Variants in SOSTDC1 observed in about 807,000 individuals in gnomAD.
The protein encoded by SOSTDC1 is sclerostin domain-containing protein 1.
In SOSTDC1, 7 loss-of-function variants were observed where a neutral mutation model predicts 15.1. That is an observed-to-expected ratio of 0.46 (90% CI 0.26 to 0.87). SOSTDC1 has a LOEUF of 0.87. SOSTDC1 is among the 40% of genes least tolerant of loss of function. The probability of loss-of-function intolerance (pLI) is 0.15; values close to 1 mark genes in which losing one functional copy is unlikely to be tolerated. For synonymous variants in SOSTDC1, 94 were observed against 93.2 expected, an observed-to-expected ratio of 1.01 and a Z score of -0.05; for missense variants, 242 against 259.2, an observed-to-expected ratio of 0.93 and a Z score of 0.46.
In SOSTDC1 at chr7:16,462,879, T is replaced by C; in HGVS notation, c.290A>G (p.Glu97Gly). Residue 97 changes from glutamate (E) to glycine (G), a missense_variant, in exon 2 of 2, where the codon GAG becomes GGG. Physicochemically the swap from Glu to Gly is moderately conservative, Grantham distance 98. Coordinates refer to ENST00000307068, the MANE Select transcript of SOSTDC1 (RefSeq NM_015464.3). The stretch of plus-strand genomic sequence containing the variant: ...CAAGCACTCGCCAGCACACACCAGC[T>C]CCTTCAGAGGGCTGATGCTGGTGCA... ...GQCTSISPLK[E>G]LVCAGECLPL... 1 of 1,614,058 alleles carries C rather than the reference T, an allele frequency of 6.2e-7. No individual in the cohort carries two copies. The highest frequency in any genetic ancestry group is 8.5e-7 in the Non-Finnish European group (1 of 1,179,958).
At chr7:16,463,491 G>A (rs920125127) in intron 1 of SOSTDC1, among the ~76,000 whole-genome samples, 3 of 152,042 alleles carry the variant, frequency 2.0e-5, no homozygotes, top group African/African-American at 4.8e-5. Context: ...TTCAATTATA[G>A]ACTTTAGCTG....
intron 1 of SOSTDC1, chr7:16,464,450 A>G (rs1781262451): frequency 9.1e-7 from 1 of 1,095,752 alleles, no homozygotes; most frequent in African/African-American, 1.5e-5. Context: ...TACCCACCAC[A>G]TTGCTCAGTA....
At position 16,462,490 on chromosome 7, in the gene SOSTDC1, G is replaced by A. The variant is rs1781225797; in HGVS notation, c.*58C>T. 1 of 1,550,402 alleles carries A rather than the reference G, an allele frequency of 6.4e-7. No homozygotes were observed. The highest frequency in any genetic ancestry group is 8.8e-7 in the Non-Finnish European group (1 of 1,132,814). ...GCAGTGGCAGGCTTGAGTCTTCCAA[G>A]CAATCAAATCTGTAAAGCAGATGGT... On this transcript the variant is annotated 3_prime_UTR_variant, in exon 2 of 2. Coordinates refer to ENST00000307068, the MANE Select transcript of SOSTDC1 (RefSeq NM_015464.3).
chr7:16,463,461 T>C (rs1160810634), intron 1 of SOSTDC1, among the ~76,000 whole-genome samples: 2 of 152,202 alleles, frequency 1.3e-5, no homozygotes. Flanking sequence ...ATAATGCATA[T>C]GCTCTCGGTA....
At chr7:16,464,471 A>G in intron 1 of SOSTDC1, 1 of 934,534 alleles carries the variant, frequency 1.1e-6, no homozygotes, top group Non-Finnish European at 1.7e-6. Flanking sequence ...ATCTAATAAT[A>G]ATCAGATATG....
Position 16,462,683 on chromosome 7 carries a change from G to A in SOSTDC1, c.486C>T (p.Ala162=). The change falls in exon 2 of 2, where the codon GCC becomes GCT. Residue 162 remains alanine, a synonymous_variant. Transcript: ENST00000307068. ...GCCGGGTGTACCTCTTGCACTTGCA[G>A]GCAGTGACTACTGTGATTTTGTAGG... The part of the protein sequence containing the change: ...TRTYKITVVT[A]CKCKRYTRQH... 6.2e-7 allele frequency: 1 copy of A among 1,614,202 alleles called. No individual in the cohort carries two copies. Among genetic ancestry groups the A allele is most frequent in the South Asian group, 1.1e-5 (1 of 91,078 alleles).
intron 1 of SOSTDC1, among the ~76,000 whole-genome samples, chr7:16,464,651 T>TC (rs1781273364): frequency 1.3e-4 from 17 of 131,004 alleles, no homozygotes; most frequent in African/African-American, 4.9e-4. Flanking sequence ...CTGCGCAGTG[T>TC]TTCTCTCTCT....
chr7:16,462,559 T>C lies in SOSTDC1; in HGVS notation c.610A>G (p.Ser204Gly), dbSNP rs772009447. 4 of 1,614,004 alleles carry C rather than the reference T, an allele frequency of 2.5e-6. No homozygotes were observed. In the African/African-American group the frequency reaches 5.3e-5, roughly 22 times the overall value. ...RKRASKSSKH[S>G]MS ...TGGGAGTCTGAGTTCTAACTCATGC[T>C]GTGCTTGCTGGATTTGCTGGCTCTT... Residue 204 changes from serine (S) to glycine (G), a missense_variant, in exon 2 of 2, where the codon AGC (serine) becomes GGC (glycine). Physicochemically the swap from Ser to Gly is moderately conservative, Grantham distance 56. Coordinates refer to ENST00000307068, the MANE Select transcript of SOSTDC1 (RefSeq NM_015464.3).
At position 16,461,983 on chromosome 7, in the gene SOSTDC1, T is replaced by C. The variant is rs1781217738; in HGVS notation, c.*565A>G. ...GGTCAGCATGCAGGGTATAATTTCA[T>C]ACTATGCGACCGTAAAGAGCTACAG... On this transcript the variant is annotated 3_prime_UTR_variant, in exon 2 of 2. Coordinates refer to ENST00000307068, the MANE Select transcript of SOSTDC1 (RefSeq NM_015464.3). 6.5e-6 allele frequency: 1 copy of C among 152,910 alleles called. No individual in the cohort carries two copies. The highest frequency in any genetic ancestry group is 6.5e-5 in the Admixed American group (1 of 15,314). 9.5% of individuals were successfully genotyped at this position (152,910 alleles called of 1,614,324 possible).
chr7:16,463,348 T>G (rs1217327154), intron 1 of SOSTDC1, among the ~76,000 whole-genome samples: 1 of 152,222 alleles, frequency 6.6e-6, no homozygotes, highest in Non-Finnish European at 1.5e-5. Flanking sequence ...ACTTTAATAT[T>G]CTCTTTCTCA....
In SOSTDC1 at chr7:16,462,243, A is replaced by G; in HGVS notation, c.*305T>C. The G allele has an allele frequency of 1.6e-5, 4 of 255,188 alleles. No individual in the cohort carries two copies. Among genetic ancestry groups the G allele is most frequent in the Non-Finnish European group, 3.0e-5 (4 of 133,106 alleles). 15.8% of individuals were successfully genotyped at this position (255,188 alleles called of 1,614,324 possible). A position where few individuals can be genotyped will look rare whatever the true frequency, so the allele number is the denominator to read the frequency against. On this transcript the variant is annotated 3_prime_UTR_variant, in exon 2 of 2. Coordinates refer to ENST00000307068, the MANE Select transcript of SOSTDC1 (RefSeq NM_015464.3). Reference sequence around the variant, plus strand: ...GAGAAGCCCTTTTCTGTTTTAAAATATAATGATTCACTGATGTTTATAGTA... The same window carrying G: ...GAGAAGCCCTTTTCTGTTTTAAAATGTAATGATTCACTGATGTTTATAGTA...
In SOSTDC1 at chr7:16,464,652, T is replaced by TTCTCTCTCTCTC. The variant is rs72323066; in HGVS notation, c.205+800_205+811dup. Among the ~76,000 whole-genome samples, 113 of 150,336 alleles carry TTCTCTCTCTCTC rather than the reference T, an allele frequency of 7.5e-4. No individual in the cohort carries two copies. The East Asian group carries it at 8.7e-3, about 12-fold the overall frequency. On this transcript the variant is annotated intron_variant, in intron 1 of 1. Transcript: ENST00000307068. The stretch of plus-strand genomic sequence containing the variant: ...TTGTGTAAGATTTCCTGCGCAGTGT[T>TTCTCTCTCTCTC]TCTCTCTCTCTCTCTCTCTCTCTTA...
chr7:16,464,201 CTT>C (rs1293646779), intron 1 of SOSTDC1: 10 of 769,148 alleles, frequency 1.3e-5, no homozygotes, highest in Non-Finnish European at 2.0e-5. Flanking sequence ...TGTGGAAAAA[CTT>C]ATGTATATAG....
chr7:16,464,674 CTT>C (rs1781274966), intron 1 of SOSTDC1, among the ~76,000 whole-genome samples: 5 of 149,094 alleles, frequency 3.4e-5, no homozygotes, highest in Admixed American at 2.7e-4. Context: ...CTCTCTCTCT[CTT>C]AAAACCTGAT....
Position 16,462,149 on chromosome 7 carries a change from A to G in SOSTDC1, c.*399T>C, listed in dbSNP as rs764412911. The G allele has an allele frequency of 8.5e-5, 14 of 163,756 alleles. No homozygotes were observed. The highest frequency in any genetic ancestry group is 1.2e-4 in the Non-Finnish European group (9 of 74,754). The allele number at this position is 163,756 out of a possible 1,614,324, so 10.1% of individuals were successfully genotyped here. On this transcript the variant is annotated 3_prime_UTR_variant, in exon 2 of 2. Coordinates refer to ENST00000307068, the MANE Select transcript of SOSTDC1 (RefSeq NM_015464.3). ...TTACTGTGAAGATTCATGACAACAT[A>G]TTTTTTTTAACCTGTTTTGAAGGAG...
chr7:16,465,238 A>G (rs1781283865), intron 1 of SOSTDC1, among the ~76,000 whole-genome samples: 1 of 152,198 alleles, frequency 6.6e-6, no homozygotes, highest in Non-Finnish European at 1.5e-5. Flanking sequence ...ATGTTTGATA[A>G]AACTTCAGTC....
intron 1 of SOSTDC1, chr7:16,464,203 TATGTATATAGAC>T: frequency 1.3e-6 from 1 of 775,650 alleles, no homozygotes. Flanking sequence ...TGGAAAAACT[TATGTATATAGAC>T]ATGCATGCAT....
Position 16,465,698 on chromosome 7 carries a change from G to C in SOSTDC1, c.-30C>G. The C allele has an allele frequency of 6.3e-7, 1 of 1,596,136 alleles. No homozygotes were observed. Among genetic ancestry groups the C allele is most frequent in the Non-Finnish European group, 8.6e-7 (1 of 1,164,600 alleles). The stretch of plus-strand genomic sequence containing the variant: ...AGTAGAGGATTTGCTTGACTGAAGA[G>C]CTGGTTAATTCTTTTGCTTCTGCTT... On this transcript the variant is annotated 5_prime_UTR_variant, in exon 1 of 2. Transcript: ENST00000307068.
chr7:16,464,445 A>G (rs780201670), intron 1 of SOSTDC1: 2 of 1,138,470 alleles, frequency 1.8e-6, no homozygotes, highest in East Asian at 2.6e-5. Context: ...ACGAATACCC[A>G]CCACATTGCT....
Sources: gnomAD v4.1 joint callset for allele counts (sites outside exome capture counted in the v4.1 genomes callset) on GRCh38, gnomAD v4.1.1 for gene constraint, MANE v1.5 for transcripts, NCBI Gene and HGNC (gene_info 2026-07-23, HGNC 2026-07-21) for gene names.